Variants in STK39 observed in about 807,000 individuals in gnomAD.
STK39 encodes STE20/SPS1-related proline-alanine-rich protein kinase.
A neutral mutation model predicts 77.8 loss-of-function variants in STK39; 20 were observed. The ratio of observed to expected loss-of-function variants is 0.26; its 90% CI spans 0.18 to 0.37. STK39 has a LOEUF of 0.37. Among genes scored for constraint, STK39 ranks in the 10% least tolerant of loss-of-function variants. STK39 has a pLI of 1.00. For missense variants in STK39, 479 were observed against 656.5 expected, an observed-to-expected ratio of 0.73 and a Z score of 2.95; for synonymous variants, 246 against 234.1, an observed-to-expected ratio of 1.05 and a Z score of -0.47.
In STK39 at chr2:168,163,852, A is replaced by G; in HGVS notation, c.459T>C (p.Ile153=). The G allele has an allele frequency of 1.2e-6, 2 of 1,613,968 alleles. No individual in the cohort carries two copies. The highest frequency in any genetic ancestry group is 8.5e-7 in the Non-Finnish European group (1 of 1,179,922). ...CATTCTTGTGTTCTCCTCGGTTGACAATGTATTTTATGATATCCAACATTG... is the reference window on the plus strand; with the variant it reads ...CATTCTTGTGTTCTCCTCGGTTGACGATGTATTTTATGATATCCAACATTG... The part of the protein sequence containing the change: ...GGSMLDIIKY[I]VNRGEHKNGV... Residue 153 remains isoleucine, a synonymous_variant, in exon 4 of 18, where the codon ATT becomes ATC. Transcript: ENST00000355999.
chr2:167,993,978 G>C (rs1051325681), intron 16 of STK39, among the ~76,000 whole-genome samples: 3 of 152,134 alleles, frequency 2.0e-5, no homozygotes, highest in Admixed American at 6.5e-5. Context: ...TTTTATACCT[G>C]GGTCCAAGAG....
intron 1 of STK39, among the ~76,000 whole-genome samples, chr2:168,232,550 T>C (rs754087708): frequency 1.3e-5 from 2 of 152,202 alleles, no homozygotes; most frequent in Non-Finnish European, 2.9e-5. Flanking sequence ...TCCTTTTCCA[T>C]AAAGACTGTT....
At chr2:168,231,366 TA>T (rs1283351870) in intron 1 of STK39, among the ~76,000 whole-genome samples, 1 of 152,014 alleles carries the variant, frequency 6.6e-6, no homozygotes, top group Non-Finnish European at 1.5e-5. Flanking sequence ...TTTGTTAACA[TA>T]ATAACAACAG....
chr2:168,191,945 T>A (rs1028667933), intron 1 of STK39, among the ~76,000 whole-genome samples: 3 of 151,904 alleles, frequency 2.0e-5, no homozygotes, highest in African/African-American at 7.3e-5. Flanking sequence ...ACTCTACACA[T>A]TTAGGAGGAA....
At chr2:168,232,961 A>G (rs774638043) in intron 1 of STK39, among the ~76,000 whole-genome samples, 2 of 152,068 alleles carry the variant, frequency 1.3e-5, no homozygotes, top group Non-Finnish European at 2.9e-5. Context: ...AAAGTCTTGC[A>G]GCATTTATGA....
intron 16 of STK39, among the ~76,000 whole-genome samples, chr2:168,001,702 G>C (rs1207616393): frequency 3.3e-5 from 5 of 152,062 alleles, no homozygotes; most frequent in Admixed American, 6.5e-5. Flanking sequence ...TGTTATATAA[G>C]AAATCATGAG....
chr2:168,161,912 G>A, intron 4 of STK39, 70 bp from the exon 5 acceptor site: 1 of 1,166,358 alleles, frequency 8.6e-7, no homozygotes, highest in Non-Finnish European at 1.2e-6. Context: ...CACTCAGGAA[G>A]ATTTTAAAAC....
intron 10 of STK39, among the ~76,000 whole-genome samples, chr2:168,110,174 A>T (rs1427212992): frequency 6.6e-6 from 1 of 152,164 alleles, no homozygotes; most frequent in South Asian, 2.1e-4. Flanking sequence ...TTAAGTGTCT[A>T]ATCTGTTAGG....
Position 168,017,078 on chromosome 2 carries a change from A to T in STK39, c.1394T>A (p.Leu465His). ...VLRLRNSRKE[L>H]NDIRFEFTPG... ...AGTAAACTCAAATCGTATGTCATTA[A>T]GTTCCTTTCTGGAGTTTCTGAAATA... Residue 465 changes from leucine (L) to histidine (H), a missense_variant, in exon 15 of 18, where the codon CTT becomes CAT. By Grantham distance (99) the Leu-to-His change is moderately conservative (BLOSUM62 -3). Transcript: ENST00000355999. 6.2e-7 allele frequency: 1 copy of T among 1,607,674 alleles called. No individual in the cohort carries two copies. The highest frequency in any genetic ancestry group is 8.5e-7 in the Non-Finnish European group (1 of 1,177,084).
At position 168,138,076 on chromosome 2, in the gene STK39, A is replaced by C. The variant is rs1156775681; in HGVS notation, c.974+12T>G. 5.6e-6 allele frequency: 9 copies of C among 1,612,732 alleles called. No individual in the cohort carries two copies. In the South Asian group the frequency reaches 9.9e-5, roughly 18 times the overall value. On this transcript the variant is annotated intron_variant, in intron 8 of 17. Coordinates refer to ENST00000355999, the MANE Select transcript of STK39 (RefSeq NM_013233.3). ...AACCAGGTCATTAACTCATCCACTA[A>C]GTTTCACTTACCTTTTGGAAGGATC... is the stretch of plus-strand genomic sequence containing the variant.
At chr2:168,022,613 T>C (rs1684597776) in intron 14 of STK39, among the ~76,000 whole-genome samples, 1 of 152,238 alleles carries the variant, frequency 6.6e-6, no homozygotes, top group South Asian at 2.1e-4. Flanking sequence ...TTGATACTAA[T>C]TTTAAAATGT....
intron 1 of STK39, among the ~76,000 whole-genome samples, chr2:168,228,937 C>A (rs574625617): frequency 6.6e-6 from 1 of 152,308 alleles, no homozygotes; most frequent in Middle Eastern, 3.4e-3. Context: ...CACGTCCAGA[C>A]CTGTCTTCCA....
At chr2:168,200,246 A>T (rs6747978) in intron 1 of STK39, among the ~76,000 whole-genome samples, 1 of 152,164 alleles carries the variant, frequency 6.6e-6, no homozygotes, top group African/African-American at 2.4e-5. Context: ...GGAAATATTA[A>T]ATGCCATGAA....
intron 2 of STK39, among the ~76,000 whole-genome samples, chr2:168,175,347 C>T (rs1688931208): frequency 1.3e-5 from 2 of 152,076 alleles, no homozygotes; most frequent in Non-Finnish European, 2.9e-5. Flanking sequence ...TGAGTATGTG[C>T]TGGGTCCCTG....
At chr2:168,163,716 A>G (rs1164993790) in intron 4 of STK39, 23 bp downstream of exon 4, 1 of 1,613,418 alleles carries the variant, frequency 6.2e-7, no homozygotes, top group Admixed American at 1.7e-5. Flanking sequence ...ATCTGAATTT[A>G]AACATCTCTG....
intron 16 of STK39, among the ~76,000 whole-genome samples, chr2:167,998,166 A>T (rs538441428): frequency 6.6e-6 from 1 of 152,112 alleles, no homozygotes; most frequent in Non-Finnish European, 1.5e-5. Context: ...ATGCATAAAC[A>T]CTCCCACTCC....
At chr2:167,959,057 T>C (rs1456384683) in intron 17 of STK39, among the ~76,000 whole-genome samples, 2 of 152,200 alleles carry the variant, frequency 1.3e-5, no homozygotes, top group East Asian at 3.8e-4. Context: ...AAATCCTATT[T>C]TTGCTTGAAA....
At chr2:168,242,596 T>C (rs868666578) in intron 1 of STK39, among the ~76,000 whole-genome samples, 1 of 95,818 alleles carries the variant, frequency 1.0e-5, no homozygotes, top group Non-Finnish European at 2.1e-5. Flanking sequence ...TATATATATA[T>C]AAAGAGGCCA....
intron 10 of STK39, 44 bp downstream of exon 10, chr2:168,129,497 T>C: frequency 6.2e-7 from 1 of 1,606,794 alleles, no homozygotes; most frequent in Non-Finnish European, 8.5e-7. Flanking sequence ...TTCATTTCCC[T>C]GGGGATTGGT....
Sources: gnomAD v4.1 joint callset for allele counts (sites outside exome capture counted in the v4.1 genomes callset) on GRCh38, gnomAD v4.1.1 for gene constraint, MANE v1.5 for transcripts, NCBI Gene and HGNC (gene_info 2026-07-23, HGNC 2026-07-21) for gene names.